The following CDH18 variants were observed in gnomAD, a reference collection of about 807,000 sequenced individuals.
CDH18 encodes the protein cadherin 18.
CDH18 carries 31 observed loss-of-function variants against 67.9 expected under a neutral mutation model. The observed-to-expected ratio is 0.46, with a 90% CI of 0.34 to 0.62. CDH18 has a LOEUF of 0.62. Among genes scored for constraint, CDH18 ranks in the 20% least tolerant of loss-of-function variants. CDH18 has a pLI of 0.01. For missense variants in CDH18, 890 were observed against 975.5 expected (o/e 0.91, Z 1.17); for synonymous variants, 362 against 347.2 (o/e 1.04, Z -0.48).
chr5:20,229,231 G>A (rs565336666), intron 2 of CDH18, among the ~76,000 whole-genome samples: 1 of 152,082 alleles, frequency 6.6e-6, no homozygotes, highest in South Asian at 2.1e-4. Flanking sequence ...GTTATATGTT[G>A]TTTACTGAAG....
intron 1 of CDH18, among the ~76,000 whole-genome samples, chr5:20,349,716 T>A (rs907060634): frequency 6.6e-6 from 1 of 152,146 alleles, no homozygotes; most frequent in African/African-American, 2.4e-5. Context: ...TTTAACACTC[T>A]ATTGCACATG....
intron 2 of CDH18, among the ~76,000 whole-genome samples, chr5:20,081,606 A>G (rs1319713099): frequency 6.6e-6 from 1 of 152,208 alleles, no homozygotes; most frequent in Non-Finnish European, 1.5e-5. Context: ...ACCACAGAAT[A>G]CCATGAAGAC....
chr5:20,062,655 T>G (rs1742603531), intron 2 of CDH18, among the ~76,000 whole-genome samples: 1 of 152,136 alleles, frequency 6.6e-6, no homozygotes, highest in African/African-American at 2.4e-5. Flanking sequence ...ATTAACCAAA[T>G]GAGCCTTTAC....
chr5:19,821,986 T>C lies in CDH18; in HGVS notation c.228+16773A>G, dbSNP rs540426589. On this transcript the variant is annotated intron_variant, in intron 3 of 12. Transcript: ENST00000382275. ...AGTTCTAAATATCAAGACAAAATAA[T>C]GATACCTGCTTCCACAAAGACACAC... 3.9e-5 allele frequency among the ~76,000 whole-genome samples: 6 copies of C among 152,256 alleles called. No individual in the cohort carries two copies. The East Asian group carries it at 1.2e-3, about 29-fold the overall frequency.
At chr5:20,056,473 C>CTTTTTTTTTTTTTTTTTTTTTTT (rs1561754004) in intron 2 of CDH18, among the ~76,000 whole-genome samples, 1 of 13,562 alleles carries the variant, frequency 7.4e-5, no homozygotes, top group Non-Finnish European at 1.6e-4. Context: ...TATTTTCTTT[C>CTTTTTTTTTTTTTTTTTTTTTTT]TTTTGTTTTT....
At chr5:19,580,230 C>A (rs1204134715) in intron 7 of CDH18, among the ~76,000 whole-genome samples, 3 of 151,680 alleles carry the variant, frequency 2.0e-5, no homozygotes, top group African/African-American at 4.8e-5. Flanking sequence ...TCTTGAGTAT[C>A]CAAAGTCCAC....
chr5:20,185,890 G>A (rs1408457618), intron 2 of CDH18, among the ~76,000 whole-genome samples: 2 of 151,376 alleles, frequency 1.3e-5, no homozygotes, highest in Non-Finnish European at 2.9e-5. Context: ...GTGATGCATA[G>A]TGTCTGGAAG....
intron 5 of CDH18, among the ~76,000 whole-genome samples, chr5:19,677,579 A>G (rs1241149891): frequency 6.6e-6 from 1 of 152,028 alleles, no homozygotes; most frequent in Non-Finnish European, 1.5e-5. Flanking sequence ...CGTTGAAGAT[A>G]AACAGGGTAA....
At chr5:19,696,767 T>G (rs1762596779) in intron 5 of CDH18, among the ~76,000 whole-genome samples, 1 of 152,112 alleles carries the variant, frequency 6.6e-6, no homozygotes, top group Admixed American at 6.5e-5. Context: ...AACCACCAAG[T>G]TGTTCTCCAT....
intron 10 of CDH18, among the ~76,000 whole-genome samples, chr5:19,515,080 C>T (rs2126859437): frequency 6.6e-6 from 1 of 152,240 alleles, no homozygotes; most frequent in Middle Eastern, 3.4e-3. Flanking sequence ...GCCAGTTTTC[C>T]CAGCACCATT....
intron 2 of CDH18, among the ~76,000 whole-genome samples, chr5:20,032,127 G>C (rs1019274204): frequency 3.3e-5 from 5 of 151,858 alleles, no homozygotes; most frequent in African/African-American, 1.2e-4. Context: ...ATGACAGTAT[G>C]TATGTAGCAG....
intron 2 of CDH18, among the ~76,000 whole-genome samples, chr5:19,850,990 G>A (rs1337093770): frequency 6.6e-6 from 1 of 151,712 alleles, no homozygotes; most frequent in Non-Finnish European, 1.5e-5. Context: ...ATATCACCTG[G>A]TTGCAAAAAG....
intron 1 of CDH18, among the ~76,000 whole-genome samples, chr5:20,277,823 T>C (rs1190215440): frequency 6.6e-6 from 1 of 152,098 alleles, no homozygotes; most frequent in Non-Finnish European, 1.5e-5. Flanking sequence ...GAGATTTAAA[T>C]GATTAAAAAA....
chr5:19,640,859 A>C (rs551651387), intron 5 of CDH18, among the ~76,000 whole-genome samples: 1 of 152,148 alleles, frequency 6.6e-6, no homozygotes, highest in African/African-American at 2.4e-5. Flanking sequence ...TAACTAAATC[A>C]GCTGGAGAGA....
At chr5:20,050,357 G>C (rs75164517) in intron 2 of CDH18, among the ~76,000 whole-genome samples, 1,742 of 151,908 alleles carry the variant, frequency 0.011, 38 homozygotes, top group African/African-American at 0.04. Flanking sequence ...TTCCAAAGCA[G>C]GAAGGCAGAA....
intron 1 of CDH18, among the ~76,000 whole-genome samples, chr5:20,267,869 T>G (rs1745154784): frequency 6.6e-6 from 1 of 152,166 alleles, no homozygotes; most frequent in Admixed American, 6.6e-5. Context: ...TGTGTGACAG[T>G]GAAGTTTGAA....
At chr5:20,060,153 G>T (rs559739622) in intron 2 of CDH18, among the ~76,000 whole-genome samples, 6 of 152,106 alleles carry the variant, frequency 3.9e-5, no homozygotes, top group African/African-American at 1.4e-4. Flanking sequence ...CTCATATCAT[G>T]AACCAAAAAA....
At chr5:20,117,136 T>C (rs1264639674) in intron 2 of CDH18, among the ~76,000 whole-genome samples, 1 of 152,180 alleles carries the variant, frequency 6.6e-6, no homozygotes, top group Non-Finnish European at 1.5e-5. Flanking sequence ...AAACATGTTT[T>C]ACATTTAAAT....
At chr5:20,508,868 C>T (rs1180540959) in intron 1 of CDH18, among the ~76,000 whole-genome samples, 2 of 152,044 alleles carry the variant, frequency 1.3e-5, no homozygotes, top group South Asian at 2.1e-4. Flanking sequence ...CATTCTATCT[C>T]TGCCCAAATA....
Sources: allele counts gnomAD v4.1 joint callset (sites outside exome capture counted in the v4.1 genomes callset), GRCh38; gene constraint gnomAD v4.1.1; transcripts MANE v1.5; gene names NCBI Gene and HGNC (gene_info 2026-07-23, HGNC 2026-07-21).